Variants in TCEA1 observed in about 807,000 individuals in gnomAD.
The protein encoded by TCEA1 is transcription elongation factor A1.
TCEA1 carries 21 observed loss-of-function variants against 43.8 expected under a neutral mutation model. The observed-to-expected ratio is 0.48, with a 90% confidence interval of 0.34 to 0.69. The LOEUF is 0.69. TCEA1 is among the 30% of genes least tolerant of loss of function. The pLI, the probability that TCEA1 is intolerant of heterozygous loss-of-function variation, is 0.01. For synonymous variants in TCEA1, 104 were observed against 117.5 expected (o/e 0.88, Z 0.75); for missense variants, 250 against 365.1 (o/e 0.68, Z 2.57).
intron 1 of TCEA1, among the ~76,000 whole-genome samples, chr8:54,013,283 A>T (rs1804714397): frequency 6.6e-6 from 1 of 152,248 alleles, no homozygotes; most frequent in Non-Finnish European, 1.5e-5. Flanking sequence ...AGCTAAAAGT[A>T]ACACTCACGG....
chr8:53,987,783 A>G (rs945649553), intron 5 of TCEA1, among the ~76,000 whole-genome samples: 1 of 152,210 alleles, frequency 6.6e-6, no homozygotes, highest in African/African-American at 2.4e-5. Flanking sequence ...AACTCTCAAT[A>G]TAAGATCAGG....
chr8:53,970,535 TAA>T, intron 8 of TCEA1, 72 bp from the exon 9 acceptor site: 1 of 723,376 alleles, frequency 1.4e-6, no homozygotes, highest in Non-Finnish European at 2.3e-6. Flanking sequence ...ATGTTATACA[TAA>T]AGATATATAT....
intron 3 of TCEA1, among the ~76,000 whole-genome samples, chr8:53,998,241 T>C (rs996580833): frequency 1.3e-5 from 2 of 152,220 alleles, no homozygotes; most frequent in Non-Finnish European, 2.9e-5. Flanking sequence ...GTCTGTAGAC[T>C]GTATCACTGT....
intron 4 of TCEA1, among the ~76,000 whole-genome samples, chr8:53,989,614 T>A (rs187104396): frequency 6.6e-6 from 1 of 152,262 alleles, no homozygotes; most frequent in Admixed American, 6.5e-5. Context: ...TAACTTTTCA[T>A]ACATTTTCTT....
intron 8 of TCEA1, among the ~76,000 whole-genome samples, chr8:53,975,395 A>C (rs1038765742): frequency 1.3e-5 from 2 of 152,216 alleles, no homozygotes; most frequent in African/African-American, 4.8e-5. Context: ...TGTTGGGTAC[A>C]TAACCAAAAG....
chr8:54,007,301 T>A (rs896256096), intron 2 of TCEA1, among the ~76,000 whole-genome samples: 1 of 152,198 alleles, frequency 6.6e-6, no homozygotes, highest in Non-Finnish European at 1.5e-5. Context: ...AAAATATTTT[T>A]AAATGTAAGA....
In TCEA1 at chr8:54,004,996, G is replaced by A. The variant is rs892337666; in HGVS notation, c.127-4946C>T. Among the ~76,000 whole-genome samples the A allele has an allele frequency of 6.2e-5, 4 of 64,386 alleles. No individual in the cohort carries two copies. The Admixed American group carries it at 8.2e-4, about 13-fold the overall frequency. 42.2% of individuals were successfully genotyped at this position (64,386 alleles called of 152,430 possible). A position where few individuals can be genotyped will look rare whatever the true frequency, so the allele number is the denominator to read the frequency against. Reference sequence around the variant, plus strand: ...TACTAGCCCAAATATTTGTCTTCCTGTTTACTTCCTCACCTTCAACCCAAT... The same window carrying A: ...TACTAGCCCAAATATTTGTCTTCCTATTTACTTCCTCACCTTCAACCCAAT... On this transcript the variant is annotated intron_variant, in intron 2 of 9. Transcript: ENST00000521604.
chr8:53,995,020 G>C (rs1347732906), intron 3 of TCEA1, among the ~76,000 whole-genome samples: 1 of 152,098 alleles, frequency 6.6e-6, no homozygotes, highest in Middle Eastern at 3.2e-3. Flanking sequence ...CCTGCCTGGG[G>C]TCAAATGTGG....
chr8:53,970,119 A>C (rs1442331170), intron 9 of TCEA1: 1 of 400,494 alleles, frequency 2.5e-6, no homozygotes, highest in African/African-American at 2.0e-5. Flanking sequence ...TATAGTATAA[A>C]TAGGACAGTG....
intron 7 of TCEA1, among the ~76,000 whole-genome samples, chr8:53,981,449 AC>A (rs1486493646): frequency 6.6e-6 from 1 of 152,216 alleles, no homozygotes; most frequent in Non-Finnish European, 1.5e-5. Flanking sequence ...GGAAAATCTT[AC>A]AGCCCTTAAG....
intron 7 of TCEA1, among the ~76,000 whole-genome samples, 188 bp downstream of exon 7, chr8:53,984,175 T>A (rs1206621234): frequency 6.6e-6 from 1 of 152,126 alleles, no homozygotes; most frequent in Non-Finnish European, 1.5e-5. Context: ...ATGGAAACAG[T>A]TGGAGGGGGA....
At chr8:53,969,542 A>G (rs1254177564) in intron 9 of TCEA1, among the ~76,000 whole-genome samples, 2 of 152,192 alleles carry the variant, frequency 1.3e-5, no homozygotes, top group African/African-American at 4.8e-5. Context: ...ACTAATAAAA[A>G]TAGCCAGCAT....
chr8:54,015,920 T>C (rs188405032), intron 1 of TCEA1, among the ~76,000 whole-genome samples: 4 of 152,176 alleles, frequency 2.6e-5, no homozygotes, highest in Non-Finnish European at 2.9e-5. Context: ...CACAAAGCAA[T>C]GAAAAGATGC....
Position 54,022,287 on chromosome 8 carries a change from C to T in TCEA1, c.-162G>A. On this transcript the variant is annotated 5_prime_UTR_variant, in exon 1 of 10. Coordinates refer to ENST00000521604, the MANE Select transcript of TCEA1 (RefSeq NM_006756.4). ...TTACGAACGAAGCCCGCGGCGGCGG[C>T]GGCGGCGGCGGCGGCTCCGGCTCCT... 2 of 796,882 alleles carry T rather than the reference C, an allele frequency of 2.5e-6. No homozygotes were observed. Among genetic ancestry groups the T allele is most frequent in the Non-Finnish European group, 4.0e-6 (2 of 497,750 alleles). 49.4% of individuals were successfully genotyped at this position (796,882 alleles called of 1,614,324 possible).
intron 1 of TCEA1, chr8:54,021,766 G>A (rs1486936597): frequency 3.4e-6 from 1 of 296,166 alleles, no homozygotes; most frequent in African/African-American, 2.2e-5. Flanking sequence ...GGTTTTACTA[G>A]CACGAAAGTT....
intron 7 of TCEA1, among the ~76,000 whole-genome samples, chr8:53,982,018 G>A (rs1803526918): frequency 6.6e-6 from 1 of 151,188 alleles, no homozygotes; most frequent in Admixed American, 6.6e-5. Context: ...GCTCATCTCG[G>A]CTTCCCAAAC....
At chr8:53,981,686 A>C (rs1272223975) in intron 7 of TCEA1, among the ~76,000 whole-genome samples, 3 of 152,162 alleles carry the variant, frequency 2.0e-5, no homozygotes, top group Non-Finnish European at 4.4e-5. Context: ...CAAGGAGATT[A>C]ATGTTATTTT....
At chr8:54,000,607 G>T (rs1180336343) in intron 2 of TCEA1, among the ~76,000 whole-genome samples, 1 of 152,106 alleles carries the variant, frequency 6.6e-6, no homozygotes, top group Non-Finnish European at 1.5e-5. Flanking sequence ...ATAATTACGT[G>T]CCTAGAATTA....
At position 53,988,242 on chromosome 8, in the gene TCEA1, A is replaced by T. The variant is rs1337009716; in HGVS notation, c.338T>A (p.Val113Glu). 1 of 1,613,280 alleles carries T rather than the reference A, an allele frequency of 6.2e-7. No individual in the cohort carries two copies. Among genetic ancestry groups the T allele is most frequent in the African/African-American group, 1.3e-5 (1 of 74,926 alleles). The stretch of plus-strand genomic sequence containing the variant: ...ATTTGTCTCATCCTTTCTGTTGCTT[A>T]CATTGCCGCTGGAAGTACTGAAATA... The part of the protein sequence containing the change: ...AREESTSSGN[V>E]SNRKDETNAR... The change falls in exon 5 of 10, where the codon GTA becomes GAA. Residue 113 changes from valine to glutamate, a missense_variant. Physicochemically the swap from Val to Glu is moderately radical, Grantham distance 121. Transcript: ENST00000521604.
Sources: allele counts gnomAD v4.1 joint callset (sites outside exome capture counted in the v4.1 genomes callset), GRCh38; gene constraint gnomAD v4.1.1; transcripts MANE v1.5; gene names NCBI Gene and HGNC (gene_info 2026-07-23, HGNC 2026-07-21).